The following NIPBL variants were observed in gnomAD, a reference collection of about 807,000 sequenced individuals.
NIPBL encodes nipped-B-like protein.
Under a neutral mutation model 321.8 loss-of-function variants are expected in NIPBL, and 19 were observed. The observed-to-expected ratio is 0.06, with a 90% CI of 0.04 to 0.09. NIPBL has a LOEUF of 0.09. NIPBL is among the 10% of genes least tolerant of loss of function. The probability of loss-of-function intolerance (pLI) is 1.00; values close to 1 mark genes in which losing one functional copy is unlikely to be tolerated. For synonymous variants in NIPBL, 1,106 were observed against 1,114.1 expected (o/e 0.99, Z 0.14); for missense variants, 2,210 against 3,327.0 (o/e 0.66, Z 8.26).
chr5:37,020,585 A>T lies in NIPBL; in HGVS notation c.5137A>T (p.Thr1713Ser). 1 of 1,614,082 alleles carries T rather than the reference A, an allele frequency of 6.2e-7. No homozygotes were observed. Among genetic ancestry groups the T allele is most frequent in the Non-Finnish European group, 8.5e-7 (1 of 1,179,966 alleles). ...ACATCATGCAAAGGAAATTGAGACA[A>T]CTGGCCAAATTATGCATCGAGCTGA... ...GTHHAKEIET[T>S]GQIMHRAENR... Residue 1713 changes from threonine (T) to serine (S), a missense_variant, in exon 26 of 47, where the codon ACT (threonine) becomes TCT (serine). This residue lies in a region of NIPBL where 138 missense variants were observed against 175.8 expected (regional missense o/e 0.79). Coordinates refer to ENST00000282516, the MANE Select transcript of NIPBL (RefSeq NM_133433.4).
At chr5:36,978,930 C>T (rs1332547953) in intron 9 of NIPBL, among the ~76,000 whole-genome samples, 1 of 152,018 alleles carries the variant, frequency 6.6e-6, no homozygotes, top group South Asian at 2.1e-4. Flanking sequence ...GTTCTCTATC[C>T]TGTTCCATTG....
chr5:37,034,847 G>A (rs1751505316), intron 32 of NIPBL, among the ~76,000 whole-genome samples: 1 of 152,142 alleles, frequency 6.6e-6, no homozygotes, highest in African/African-American at 2.4e-5. Context: ...TTATTTATTA[G>A]TAAATTAGAA....
At chr5:37,016,965 A>G (rs954962194) in intron 23 of NIPBL, 54 bp from the exon 24 acceptor site, 3 of 1,203,550 alleles carry the variant, frequency 2.5e-6, no homozygotes, top group Admixed American at 2.3e-5. Flanking sequence ...ATAAATTGCT[A>G]TTTAAAATAT....
At chr5:36,918,559 A>T (rs182353516) in intron 1 of NIPBL, among the ~76,000 whole-genome samples, 4 of 152,080 alleles carry the variant, frequency 2.6e-5, no homozygotes, top group African/African-American at 7.2e-5. Context: ...TTCCAACACT[A>T]TGTTGAATAG....
intron 33 of NIPBL, among the ~76,000 whole-genome samples, chr5:37,037,405 A>ATG (rs1751822609): frequency 6.8e-6 from 1 of 146,920 alleles, no homozygotes; most frequent in Non-Finnish European, 1.5e-5. Context: ...ATATATATAT[A>ATG]TATGTATATA....
chr5:36,995,898 C>T (rs1288123627), intron 11 of NIPBL, 94 bp downstream of exon 11: 12 of 1,090,892 alleles, frequency 1.1e-5, no homozygotes, highest in Non-Finnish European at 1.6e-5. Context: ...AGCAAAAGCA[C>T]AGTCACCTTA....
At chr5:36,903,253 T>C (rs947040946) in intron 1 of NIPBL, among the ~76,000 whole-genome samples, 2 of 152,164 alleles carry the variant, frequency 1.3e-5, no homozygotes, top group Non-Finnish European at 2.9e-5. Flanking sequence ...TTCAGATGCC[T>C]TTTATTTCTT....
intron 9 of NIPBL, among the ~76,000 whole-genome samples, chr5:36,984,248 C>T (rs1275629413): frequency 6.6e-6 from 1 of 151,652 alleles, no homozygotes; most frequent in South Asian, 2.1e-4. Flanking sequence ...ATTTGGAGCT[C>T]TTTATGGTTT....
chr5:37,035,521 G>A (rs1306788696), intron 32 of NIPBL, among the ~76,000 whole-genome samples: 2 of 152,124 alleles, frequency 1.3e-5, no homozygotes, highest in African/African-American at 4.8e-5. Context: ...CCAACTGTAA[G>A]CCACATGCAT....
At position 36,985,720 on chromosome 5, in the gene NIPBL, G is replaced by T. The variant is rs772566455; in HGVS notation, c.2540G>T (p.Arg847Ile). ...QSRVRRPETL[R>I]SSSRNEHGIK... is the part of the protein sequence containing the mutation. Reference sequence around the variant, plus strand: ...AGGGTTCGAAGACCAGAAACATTGAGATCCTCTAGTAGAAATGAACATGGC... The same window carrying T: ...AGGGTTCGAAGACCAGAAACATTGATATCCTCTAGTAGAAATGAACATGGC... Residue 847 changes from arginine to isoleucine, a missense_variant, in exon 10 of 47, where the codon AGA (arginine) becomes ATA (isoleucine). Physicochemically the swap from Arg to Ile is moderately conservative, Grantham distance 97 (BLOSUM62 -3). Around this residue, in one of 14 missense-constraint regions of NIPBL, gnomAD observed 588 missense variants for 564.1 expected, o/e 1.04. Coordinates refer to ENST00000282516, the MANE Select transcript of NIPBL (RefSeq NM_133433.4). The T allele has an allele frequency of 6.2e-7, 1 of 1,613,786 alleles. No individual in the cohort carries two copies. The highest frequency in any genetic ancestry group is 1.7e-5 in the Admixed American group (1 of 59,886).
In NIPBL at chr5:36,886,349, G is replaced by T. The variant is rs1176906015; in HGVS notation, c.-80+9171G>T. On this transcript the variant is annotated intron_variant, in intron 1 of 46. Coordinates refer to ENST00000282516, the MANE Select transcript of NIPBL (RefSeq NM_133433.4). ...GAGGCTGAGAGCGCCACCTGCCACC[G>T]CCTGCTTGAAGATGGCAAGAACTTC... is the stretch of plus-strand genomic sequence containing the variant. The T allele has an allele frequency of 1.1e-5, 8 of 704,144 alleles. No homozygotes were observed. The African/African-American group carries it at 1.4e-4, about 12-fold the overall frequency. The allele number at this position is 704,144 out of a possible 1,614,324, so 43.6% of individuals were successfully genotyped here. A position where few individuals can be genotyped will look rare whatever the true frequency, so the allele number is the denominator to read the frequency against.
chr5:36,922,390 C>T (rs1749015647), intron 1 of NIPBL, among the ~76,000 whole-genome samples: 2 of 151,940 alleles, frequency 1.3e-5, no homozygotes, highest in African/African-American at 4.8e-5. Context: ...TAGGTGAAAT[C>T]TCATCTGAGG....
At chr5:37,032,933 A>T (rs1751235819) in intron 32 of NIPBL, among the ~76,000 whole-genome samples, 4 of 152,202 alleles carry the variant, frequency 2.6e-5, no homozygotes, top group Admixed American at 6.5e-5. Flanking sequence ...TGGTACCTTT[A>T]AAAGATATTT....
intron 1 of NIPBL, among the ~76,000 whole-genome samples, chr5:36,920,362 G>A (rs1194464423): frequency 6.6e-6 from 1 of 152,136 alleles, no homozygotes; most frequent in African/African-American, 2.4e-5. Context: ...ATTCAGATAT[G>A]GTGAAATCAT....
chr5:36,932,461 T>C (rs1222739584), intron 1 of NIPBL, among the ~76,000 whole-genome samples: 1 of 152,204 alleles, frequency 6.6e-6, no homozygotes, highest in Non-Finnish European at 1.5e-5. Context: ...TATTACTATT[T>C]ATCTTCAAGT....
At chr5:36,950,591 T>C (rs1422252371) in intron 1 of NIPBL, among the ~76,000 whole-genome samples, 1 of 152,124 alleles carries the variant, frequency 6.6e-6, no homozygotes, top group Non-Finnish European at 1.5e-5. Context: ...CCACTAAATT[T>C]ATTTTATAAT....
intron 33 of NIPBL, among the ~76,000 whole-genome samples, chr5:37,037,392 A>AATATGT (rs1554029877): frequency 1.4e-5 from 2 of 145,740 alleles, no homozygotes; most frequent in Admixed American, 1.4e-4. Flanking sequence ...CGTCTCAAAA[A>AATATGT]ATATATATAT....
chr5:36,962,148 T>C lies in NIPBL; in HGVS notation c.484T>C (p.Ser162Pro). The change falls in exon 6 of 47, where the codon TCT becomes CCT. Residue 162 changes from serine to proline, a missense_variant. By Grantham distance (74) the Ser-to-Pro change is moderately conservative (BLOSUM62 -1). Around this residue, in one of 14 missense-constraint regions of NIPBL, gnomAD observed 464 missense variants for 529.5 expected, o/e 0.88. Transcript: ENST00000282516. ...SSRFVPPQTS[S>P]GNRFMPQQNS... ...CCGGTTTGTGCCACCACAGACAAGC[T>C]CTGGGAACAGATTTATGCCACAGCA... The C allele has an allele frequency of 6.2e-7, 1 of 1,614,146 alleles. No homozygotes were observed. Among genetic ancestry groups the C allele is most frequent in the Non-Finnish European group, 8.5e-7 (1 of 1,179,992 alleles).
At chr5:36,879,425 CTTTAAA>C (rs1471428492) in intron 1 of NIPBL, among the ~76,000 whole-genome samples, 1 of 152,108 alleles carries the variant, frequency 6.6e-6, no homozygotes, top group Non-Finnish European at 1.5e-5. Flanking sequence ...ATAAACATTT[CTTTAAA>C]TTTAAAAATA....
Sources: gnomAD v4.1 joint callset for allele counts (sites outside exome capture counted in the v4.1 genomes callset) on GRCh38, gnomAD v4.1.1 for gene constraint, gnomAD v4.1.1 regional missense constraint, MANE v1.5 for transcripts, NCBI Gene and HGNC (gene_info 2026-07-23, HGNC 2026-07-21) for gene names.